Variants in PSME4 observed in about 807,000 individuals in gnomAD.
PSME4 encodes the protein proteasome activator complex subunit 4.
In PSME4, 89 loss-of-function variants were observed where a neutral mutation model predicts 253.9. The observed-to-expected ratio is 0.35, with a 90% CI of 0.30 to 0.42. The LOEUF (loss-of-function observed/expected upper bound fraction) is 0.42, where lower values mean the gene tolerates loss of function less well. Among genes scored for constraint, PSME4 ranks in the 10% least tolerant of loss-of-function variants. PSME4 has a pLI of 1.00. For missense variants in PSME4, 2,014 were observed against 2,195.2 expected (o/e 0.92, Z 1.65); for synonymous variants, 851 against 759.2 (o/e 1.12, Z -1.99).
chr2:53,891,339 A>ATTGATTCATG (rs1475027827), intron 36 of PSME4, among the ~76,000 whole-genome samples: 2 of 152,194 alleles, frequency 1.3e-5, no homozygotes, highest in African/African-American at 4.8e-5. Context: ...TAAAATGCAG[A>ATTGATTCATG]TTGATTCATG....
chr2:53,926,066 T>C (rs1336566402), intron 12 of PSME4, 43 bp from the exon 13 acceptor site: 1 of 1,509,698 alleles, frequency 6.6e-7, no homozygotes, highest in South Asian at 1.2e-5. Context: ...ATAGCCTTTG[T>C]TTTTTTTTCC....
chr2:53,931,032 C>T (rs944090779), intron 10 of PSME4, among the ~76,000 whole-genome samples: 6 of 152,320 alleles, frequency 3.9e-5, no homozygotes, highest in African/African-American at 1.4e-4. Flanking sequence ...AATCCCAGCA[C>T]TTTGGGAGGC....
chr2:53,894,811 C>T (rs563346908), intron 34 of PSME4, among the ~76,000 whole-genome samples, 196 bp downstream of exon 34: 1 of 152,240 alleles, frequency 6.6e-6, no homozygotes, highest in Non-Finnish European at 1.5e-5. Flanking sequence ...GATACATCAA[C>T]ATCTATGTCA....
chr2:53,868,943 C>A (rs947060459), intron 44 of PSME4, among the ~76,000 whole-genome samples: 1 of 151,878 alleles, frequency 6.6e-6, no homozygotes, highest in Non-Finnish European at 1.5e-5. Flanking sequence ...GACTCCGCAC[C>A]CTCTCACCAA....
intron 33 of PSME4, 21 bp downstream of exon 33, chr2:53,895,562 G>C: frequency 6.3e-7 from 1 of 1,588,834 alleles, no homozygotes; most frequent in Non-Finnish European, 8.5e-7. Flanking sequence ...TTAATGATAA[G>C]GTGCACAGTA....
intron 44 of PSME4, among the ~76,000 whole-genome samples, chr2:53,867,147 C>A (rs7608085): frequency 0.11 from 16,590 of 151,982 alleles, 1,405 homozygotes; most frequent in African/African-American, 0.24. Context: ...TCACTTGAGG[C>A]CAGGAATTTG....
chr2:53,901,523 C>A lies in PSME4; in HGVS notation c.3112G>T (p.Val1038Leu). 6.2e-7 allele frequency: 1 copy of A among 1,613,394 alleles called. No homozygotes were observed. Among genetic ancestry groups the A allele is most frequent in the Non-Finnish European group, 8.5e-7 (1 of 1,179,454 alleles). Residue 1038 changes from valine (V) to leucine (L), a missense_variant, in exon 28 of 47, where the codon GTG becomes TTG. By Grantham distance (32) the Val-to-Leu change is conservative. Transcript: ENST00000404125. ...CAATCATGAAGGTTTGCCAAGCACA[C>A]ACCACTGTGATTTCCAAGGAGACAG... ...LYCLLGNHSGVCLANLHDWDC... is the reference protein window; with the variant it reads ...LYCLLGNHSGLCLANLHDWDC...
At chr2:53,937,313 T>G in intron 5 of PSME4, 78 bp downstream of exon 5, 1 of 1,289,600 alleles carries the variant, frequency 7.8e-7, no homozygotes, top group Non-Finnish European at 1.1e-6. Context: ...ATTTTTCTAG[T>G]TGTTATTGTT....
At chr2:53,887,225 T>C (rs1248814778) in intron 40 of PSME4, 34 bp downstream of exon 40, 2 of 1,552,090 alleles carry the variant, frequency 1.3e-6, no homozygotes, top group South Asian at 2.2e-5. Context: ...AATAGATGTT[T>C]TCAACTGAGT....
At chr2:53,949,765 A>G (rs1669891334) in intron 1 of PSME4, among the ~76,000 whole-genome samples, 2 of 152,192 alleles carry the variant, frequency 1.3e-5, no homozygotes, top group African/African-American at 4.8e-5. Context: ...CAATGGGTAT[A>G]GTTTCAGTCA....
chr2:53,904,289 C>T, intron 26 of PSME4, 133 bp from the exon 27 acceptor site: 1 of 903,748 alleles, frequency 1.1e-6, no homozygotes. Flanking sequence ...AAAGCACGTA[C>T]CCTAAAAAAG....
chr2:53,866,890 G>C lies in PSME4; in HGVS notation c.5264-10C>G, dbSNP rs752084480. On this transcript the variant is annotated splice_polypyrimidine_tract_variant and intron_variant, in intron 44 of 46. Coordinates refer to ENST00000404125, the MANE Select transcript of PSME4 (RefSeq NM_014614.3). ...TGGCGTTTGACCAACTCTGCAAAGAGAATAGCAACATTTGTGCAAATATAT... is the reference window on the plus strand; with the variant it reads ...TGGCGTTTGACCAACTCTGCAAAGACAATAGCAACATTTGTGCAAATATAT... The C allele has an allele frequency of 6.8e-6, 11 of 1,610,658 alleles. No homozygotes were observed. Among genetic ancestry groups the C allele is most frequent in the Admixed American group, 3.4e-5 (2 of 59,338 alleles).
Position 53,893,682 on chromosome 2 carries a change from G to C in PSME4, c.4030C>G (p.Leu1344Val), listed in dbSNP as rs1213574689. The change falls in exon 35 of 47, where the codon CTC (leucine) becomes GTC (valine). Residue 1344 changes from leucine to valine, a missense_variant. Physicochemically the swap from Leu to Val is conservative, Grantham distance 32 (BLOSUM62 1). Transcript: ENST00000404125. ...KDKFNPRRFC[L>V]FKGIFRNFDD... ...GTAAACAATATAGTTACCTTAAAGAGGCAAAAACGTCGTGGATTAAACTTA... is the reference window on the plus strand; with the variant it reads ...GTAAACAATATAGTTACCTTAAAGACGCAAAAACGTCGTGGATTAAACTTA... 1.9e-6 allele frequency: 3 copies of C among 1,609,714 alleles called. No individual in the cohort carries two copies. The highest frequency in any genetic ancestry group is 2.5e-6 in the Non-Finnish European group (3 of 1,177,798).
intron 3 of PSME4, among the ~76,000 whole-genome samples, chr2:53,940,969 A>AATACATATATAAATATATATATACATATT (rs1453843403): frequency 1.4e-5 from 1 of 69,314 alleles, no homozygotes. Context: ...ATATATATAT[A>AATACATATATAAATATATATATACATATT]TATATATATA....
intron 1 of PSME4, 126 bp downstream of exon 1, chr2:53,970,417 C>A: frequency 6.8e-7 from 1 of 1,470,138 alleles, no homozygotes; most frequent in South Asian, 1.3e-5. Context: ...CTGGGATCAC[C>A]GCTCGGGGAC....
intron 17 of PSME4, among the ~76,000 whole-genome samples, chr2:53,922,170 GAAAAA>G (rs1351673625): frequency 1.3e-5 from 2 of 150,230 alleles, no homozygotes; most frequent in African/African-American, 5.0e-5. Flanking sequence ...ACAAAAAGAA[GAAAAA>G]AGAAAAGAAA....
In PSME4 at chr2:53,888,940, A is replaced by C. The variant is rs182917741; in HGVS notation, c.4297-128T>G. The C allele has an allele frequency of 7.0e-6, 5 of 711,364 alleles. No homozygotes were observed. In the Admixed American group the frequency reaches 1.2e-4, roughly 17 times the overall value. 44.1% of individuals were successfully genotyped at this position (711,364 alleles called of 1,614,324 possible). On this transcript the variant is annotated intron_variant, in intron 37 of 46. Coordinates refer to ENST00000404125, the MANE Select transcript of PSME4 (RefSeq NM_014614.3). The stretch of plus-strand genomic sequence containing the variant: ...AACTCTGTTGCCCAGGCTGGAGTGA[A>C]GTGGTATGATTGCCTCCCAGGCTCA...
Position 53,875,699 on chromosome 2 carries a change from T to C in PSME4, c.4872A>G (p.Leu1624=). The C allele has an allele frequency of 6.2e-7, 1 of 1,613,004 alleles. No individual in the cohort carries two copies. Among genetic ancestry groups the C allele is most frequent in the Non-Finnish European group, 8.5e-7 (1 of 1,179,104 alleles). The change falls in exon 42 of 47, where the codon TTA becomes TTG. Residue 1624 remains leucine (L), a synonymous_variant. Coordinates refer to ENST00000404125, the MANE Select transcript of PSME4 (RefSeq NM_014614.3). ...SYDELKRDAK[L]CLSLMSQGLL... ...ACCCCTGAGACATTAATGATAAACA[T>C]AACTTTGCATCTCTTTTCAGTTCAT...
chr2:53,866,947 TA>T, intron 44 of PSME4, 67 bp from the exon 45 acceptor site: 1 of 1,456,152 alleles, frequency 6.9e-7, no homozygotes, highest in Non-Finnish European at 9.3e-7. Context: ...TACAGTGAGA[TA>T]AAATTAGTTT....
Sources: gnomAD v4.1 joint callset for allele counts (sites outside exome capture counted in the v4.1 genomes callset) on GRCh38, gnomAD v4.1.1 for gene constraint, MANE v1.5 for transcripts, NCBI Gene and HGNC (gene_info 2026-07-23, HGNC 2026-07-21) for gene names.